CDH22: variants seen among roughly 807,000 people sequenced by gnomAD.
The protein encoded by CDH22 is cadherin-22.
A neutral mutation model predicts 58.4 loss-of-function variants in CDH22; 30 were observed. The observed-to-expected ratio is 0.51, with a 90% CI of 0.38 to 0.70. The LOEUF (loss-of-function observed/expected upper bound fraction) is 0.70, where lower values mean the gene tolerates loss of function less well. Among genes scored for constraint, CDH22 ranks in the 30% least tolerant of loss-of-function variants. CDH22 has a pLI of 0.00. For missense variants in CDH22, 1,014 were observed against 1,233.9 expected, an observed-to-expected ratio of 0.82 and a Z score of 2.67; for synonymous variants, 513 against 558.2, an observed-to-expected ratio of 0.92 and a Z score of 1.14.
intron 1 of CDH22, among the ~76,000 whole-genome samples, chr20:46,279,259 A>C (rs1199942700): frequency 6.6e-6 from 1 of 152,206 alleles, no homozygotes; most frequent in African/African-American, 2.4e-5. Flanking sequence ...TTAACGCTGA[A>C]AACGCAAAAA....
chr20:46,285,849 C>A (rs1315722049), intron 1 of CDH22, among the ~76,000 whole-genome samples: 1 of 152,202 alleles, frequency 6.6e-6, no homozygotes, highest in African/African-American at 2.4e-5. Context: ...TATATACAAT[C>A]TCTGCCCGTT....
intron 2 of CDH22, among the ~76,000 whole-genome samples, chr20:46,243,831 C>T (rs550423041): frequency 4.6e-5 from 7 of 152,298 alleles, no homozygotes; most frequent in African/African-American, 1.7e-4. Context: ...TATAATCTTA[C>T]TAGTCTTCAT....
At position 46,190,201 on chromosome 20, in the gene CDH22, ACTCT is replaced by A. The variant is rs1410525839; in HGVS notation, c.1424-3258_1424-3255del. On this transcript the variant is annotated intron_variant, in intron 8 of 11. Coordinates refer to ENST00000537909, the MANE Select transcript of CDH22 (RefSeq NM_021248.3). ...TGTGCAGGATTTTCCAATTCATAACACTCTCTCTTATTATGACCTCGTGTCATCC... is the reference window on the plus strand; with the variant it reads ...TGTGCAGGATTTTCCAATTCATAACACTCTTATTATGACCTCGTGTCATCC... Among the ~76,000 whole-genome samples, 7 of 152,184 alleles carry A rather than the reference ACTCT, an allele frequency of 4.6e-5. No homozygotes were observed. In the East Asian group the frequency reaches 1.4e-3, roughly 29 times the overall value.
At chr20:46,299,043 T>A (rs1568686202) in intron 1 of CDH22, among the ~76,000 whole-genome samples, 1 of 152,202 alleles carries the variant, frequency 6.6e-6, no homozygotes, top group Non-Finnish European at 1.5e-5. Flanking sequence ...AACAGCAAGA[T>A]CTTTCTACAG....
At chr20:46,269,858 A>G (rs1034000230) in intron 1 of CDH22, among the ~76,000 whole-genome samples, 1 of 152,034 alleles carries the variant, frequency 6.6e-6, no homozygotes, top group South Asian at 2.1e-4. Flanking sequence ...CAGCCTTGTG[A>G]CTTCTTCCTA....
At position 46,192,648 on chromosome 20, in the gene CDH22, G is replaced by T. The variant is rs2085869470; in HGVS notation, c.1424-5701C>A. On this transcript the variant is annotated intron_variant, in intron 8 of 11. Transcript: ENST00000537909. Reference sequence around the variant, plus strand: ...AGTGCCTTCCCTCTCACTTGCAGTGGCAGGGATAGAGCAGAGCTTGGACCC... The same window carrying T: ...AGTGCCTTCCCTCTCACTTGCAGTGTCAGGGATAGAGCAGAGCTTGGACCC... 1.3e-5 allele frequency among the ~76,000 whole-genome samples: 2 copies of T among 152,052 alleles called. 1 individual carries two copies. Among genetic ancestry groups the T allele is most frequent in the South Asian group, 4.1e-4 (2 of 4,824 alleles).
intron 1 of CDH22, among the ~76,000 whole-genome samples, chr20:46,269,532 A>C (rs1317724888): frequency 6.6e-6 from 1 of 152,232 alleles, no homozygotes; most frequent in Non-Finnish European, 1.5e-5. Context: ...TTCTATTGCC[A>C]TGTTGCCATG....
chr20:46,298,871 G>T (rs564214638), intron 1 of CDH22, among the ~76,000 whole-genome samples: 1 of 152,206 alleles, frequency 6.6e-6, no homozygotes, highest in East Asian at 1.9e-4. Flanking sequence ...CAACCAAGCA[G>T]CTCTGAGTCC....
At chr20:46,211,581 C>T (rs1831551331) in intron 6 of CDH22, among the ~76,000 whole-genome samples, 1 of 152,006 alleles carries the variant, frequency 6.6e-6, no homozygotes, top group Non-Finnish European at 1.5e-5. Context: ...CTGGAGTGGG[C>T]GGCAGGAGGG....
intron 8 of CDH22, among the ~76,000 whole-genome samples, chr20:46,189,001 C>T (rs865930225): frequency 6.6e-6 from 1 of 152,068 alleles, no homozygotes; most frequent in African/African-American, 2.4e-5. Context: ...TGGGACTGGT[C>T]GGCTGCCTCC....
At chr20:46,286,734 G>A (rs1453772426) in intron 1 of CDH22, among the ~76,000 whole-genome samples, 2 of 152,148 alleles carry the variant, frequency 1.3e-5, no homozygotes, top group Non-Finnish European at 2.9e-5. Context: ...GGCGGGGAAG[G>A]ACCCCACCTC....
At chr20:46,269,809 C>T (rs892646006) in intron 1 of CDH22, among the ~76,000 whole-genome samples, 1 of 152,190 alleles carries the variant, frequency 6.6e-6, no homozygotes, top group African/African-American at 2.4e-5. Context: ...CCCAAGCCTA[C>T]CCCCTGCGGA....
At chr20:46,215,955 T>G (rs1013573717) in intron 5 of CDH22, among the ~76,000 whole-genome samples, 1 of 152,030 alleles carries the variant, frequency 6.6e-6, no homozygotes, top group African/African-American at 2.4e-5. Context: ...CTCACTCCGC[T>G]CTGTGTCTGA....
rs8124843 is a variant in CDH22, at chr20:46,210,564, C to G, written c.1033-4G>C. 56,601 of 1,425,856 alleles carry G rather than the reference C, an allele frequency of 0.04. 3,603 individuals carry two copies. Among genetic ancestry groups the G allele is most frequent in the African/African-American group, 0.29 (19,632 of 67,022 alleles). 88.3% of individuals were successfully genotyped at this position (1,425,856 alleles called of 1,614,324 possible). On this transcript the variant is annotated splice_region_variant and splice_polypyrimidine_tract_variant and intron_variant, in intron 6 of 11. Transcript: ENST00000537909. The surrounding 1 kb of genome is among the most constrained non-coding windows in gnomAD (Gnocchi z 4.5). ...GCTGGGATTCGAAGTCCAGGCGCTG[C>G]GGGAGGGAGCAGAGGGCCGGTTAGT...
At chr20:46,203,090 G>A (rs2085973873) in intron 7 of CDH22, among the ~76,000 whole-genome samples, 1 of 152,080 alleles carries the variant, frequency 6.6e-6, no homozygotes, top group Non-Finnish European at 1.5e-5. Context: ...TTCCTCGAGG[G>A]GAAGGGAGGG....
intron 1 of CDH22, among the ~76,000 whole-genome samples, chr20:46,303,689 G>C (rs1167237619): frequency 1.3e-5 from 2 of 152,170 alleles, no homozygotes; most frequent in East Asian, 3.9e-4. Flanking sequence ...GGTTGTTCAG[G>C]TGGAAGGGCA....
At position 46,190,728 on chromosome 20, in the gene CDH22, C is replaced by T. The variant is rs182272774; in HGVS notation, c.1424-3781G>A. ...GGCTGAGCAGGCCTGCAGCCTTAACCGATTCCTAAATTAAAATTAAACGTG... is the reference window on the plus strand; with the variant it reads ...GGCTGAGCAGGCCTGCAGCCTTAACTGATTCCTAAATTAAAATTAAACGTG... On this transcript the variant is annotated intron_variant, in intron 8 of 11. Transcript: ENST00000537909. 3.3e-5 allele frequency among the ~76,000 whole-genome samples: 5 copies of T among 152,316 alleles called. No individual in the cohort carries two copies. The East Asian group carries it at 7.7e-4, about 24-fold the overall frequency.
chr20:46,226,255 TC>T (rs60663270), intron 4 of CDH22, among the ~76,000 whole-genome samples: 420 of 10,584 alleles, frequency 0.04, 12 homozygotes, highest in African/African-American at 0.22. Context: ...TTCTTCTTCT[TC>T]TTCTTCTTCT....
In CDH22 at chr20:46,306,329, G is replaced by C. The variant is rs572004286; in HGVS notation, c.-400+1926C>G. Among the ~76,000 whole-genome samples the C allele has an allele frequency of 3.9e-5, 6 of 152,372 alleles. No homozygotes were observed. In the East Asian group the frequency reaches 9.7e-4, roughly 25 times the overall value. The stretch of plus-strand genomic sequence containing the variant: ...GCTTACCATGTGACCTCGGGCTGCT[G>C]TTGCCAATCCTTGAAAATGGAAAAG... On this transcript the variant is annotated intron_variant, in intron 1 of 11. Coordinates refer to ENST00000537909, the MANE Select transcript of CDH22 (RefSeq NM_021248.3).
Sources: allele counts gnomAD v4.1 joint callset (sites outside exome capture counted in the v4.1 genomes callset), GRCh38; gene constraint gnomAD v4.1.1; non-coding constraint Gnocchi (gnomAD v3.1); transcripts MANE v1.5; gene names NCBI Gene and HGNC (gene_info 2026-07-23, HGNC 2026-07-21).